The following USP34 variants were observed in gnomAD, a reference collection of about 807,000 sequenced individuals.
The protein encoded by USP34 is ubiquitin specific peptidase 34, also known as ubiquitin carboxyl-terminal hydrolase 34.
In USP34, 70 loss-of-function variants were observed where a neutral mutation model predicts 460.3. The observed-to-expected ratio is 0.15, with a 90% CI of 0.13 to 0.19. The LOEUF is 0.19. Ranked by LOEUF, USP34 falls within the 10% of genes least tolerant of loss-of-function variation. The probability of loss-of-function intolerance (pLI) is 1.00; values close to 1 mark genes in which losing one functional copy is unlikely to be tolerated. For missense variants in USP34, 3,985 were observed against 4,236.2 expected (o/e 0.94, Z 1.65); for synonymous variants, 1,647 against 1,405.3 (o/e 1.17, Z -3.85).
At chr2:61,223,319 A>G (rs2123111) in intron 62 of USP34, 23 bp from the exon 63 acceptor site, 877,897 of 1,606,220 alleles carry the variant, frequency 0.55, 243,909 homozygotes, top group South Asian at 0.73. Context: ...ATTAGTGGAA[A>G]TAAGTTTTTC....
At chr2:61,195,341 G>C (rs951879628) in intron 75 of USP34, among the ~76,000 whole-genome samples, 1 of 147,590 alleles carries the variant, frequency 6.8e-6, no homozygotes, top group East Asian at 2.0e-4. Context: ...CATCATATCC[G>C]GCTGGCTTTT....
At position 61,311,570 on chromosome 2, in the gene USP34, C is replaced by G. The variant is rs1175722507; in HGVS notation, c.3787G>C (p.Gly1263Arg). Reference protein sequence around the residue: ...INQQAQLQEFGQSNRKGEFPG... With the variant: ...INQQAQLQEFRQSNRKGEFPG... ...AACTCTCCTTTTCGGTTGCTTTGAC[C>G]AAACTCCTGAAGCTGAGCTTGTTGA... Residue 1263 changes from glycine (G) to arginine (R), a missense_variant, in exon 27 of 80, where the codon GGT becomes CGT. By Grantham distance (125) the Gly-to-Arg change is moderately radical (BLOSUM62 -2). This residue lies in a region of USP34 where 1,114 missense variants were observed against 1,122.5 expected (regional missense o/e 0.99). Transcript: ENST00000398571. 1.2e-6 allele frequency: 2 copies of G among 1,608,120 alleles called. No homozygotes were observed.
chr2:61,331,417 G>C (rs1438125282), intron 19 of USP34, 46 bp from the exon 20 acceptor site: 1 of 1,521,314 alleles, frequency 6.6e-7, no homozygotes, highest in Non-Finnish European at 8.9e-7. Context: ...GGCAGGGTAA[G>C]AGAATAAATC....
intron 5 of USP34, among the ~76,000 whole-genome samples, chr2:61,385,046 C>T (rs193069477): frequency 1.1e-3 from 165 of 152,120 alleles, no homozygotes; most frequent in African/African-American, 3.9e-3. Flanking sequence ...TATGCACACA[C>T]CTATCTATAC....
chr2:61,387,831 AT>A (rs1368949655), intron 5 of USP34, among the ~76,000 whole-genome samples: 1 of 149,422 alleles, frequency 6.7e-6, no homozygotes, highest in Non-Finnish European at 1.5e-5. Flanking sequence ...GTAAAAATAT[AT>A]TTTTACGTAT....
intron 3 of USP34, among the ~76,000 whole-genome samples, chr2:61,400,269 T>C (rs1343882755): frequency 6.6e-6 from 1 of 152,044 alleles, no homozygotes; most frequent in Admixed American, 6.6e-5. Flanking sequence ...GCCACCACGC[T>C]TGGCTAATTT....
At chr2:61,254,846 A>G (rs1688681050) in intron 48 of USP34, among the ~76,000 whole-genome samples, 1 of 152,188 alleles carries the variant, frequency 6.6e-6, no homozygotes, top group Non-Finnish European at 1.5e-5. Flanking sequence ...GAACAAGTAT[A>G]GCATTTTTTT....
intron 1 of USP34, among the ~76,000 whole-genome samples, chr2:61,422,694 G>A (rs1484327000): frequency 3.3e-5 from 5 of 152,168 alleles, no homozygotes. Context: ...TGAACCAACA[G>A]AAAACCCTAA....
intron 39 of USP34, 64 bp from the exon 40 acceptor site, chr2:61,278,507 T>C: frequency 8.0e-7 from 1 of 1,256,424 alleles, no homozygotes; most frequent in Admixed American, 3.0e-5. Flanking sequence ...AACATAAAAT[T>C]ATTAAAATCA....
At chr2:61,305,450 A>G (rs1690373593) in intron 27 of USP34, among the ~76,000 whole-genome samples, 1 of 152,190 alleles carries the variant, frequency 6.6e-6, no homozygotes, top group African/African-American at 2.4e-5. Context: ...AAATCCCAAA[A>G]TGATTTAGCA....
Position 61,241,568 on chromosome 2 carries a change from ACT to A in USP34, c.6767_6768del (p.Glu2256ValfsTer8). The A allele has an allele frequency of 6.2e-7, 1 of 1,600,588 alleles. No individual in the cohort carries two copies. The highest frequency in any genetic ancestry group is 8.5e-7 in the Non-Finnish European group (1 of 1,175,930). On this transcript the variant is annotated frameshift_variant, in exon 53 of 80. Coordinates refer to ENST00000398571, the MANE Select transcript of USP34 (RefSeq NM_014709.4). LOFTEE classifies it high-confidence loss of function. ...ATGAAATTAACTTATACCTCTAGTA[ACT>A]CTGACGAAACATCAAATTTGTATTC... ...GREYKFDVSS[E>X]LLEWIWHDNM...
chr2:61,314,423 T>C lies in USP34; in HGVS notation c.3542+162A>G, dbSNP rs144836743. 6.2e-3 allele frequency among the ~76,000 whole-genome samples: 942 copies of C among 152,320 alleles called. 6 individuals are homozygous for C. Among genetic ancestry groups the C allele is most frequent in the South Asian group, 0.01 (50 of 4,834 alleles). On this transcript the variant is annotated intron_variant, in intron 25 of 79. Transcript: ENST00000398571. ...GCCTATTCCAAGGCAAAATGGTATATATTCTTAATAAAAATTACTTATGTT... is the reference window on the plus strand; with the variant it reads ...GCCTATTCCAAGGCAAAATGGTATACATTCTTAATAAAAATTACTTATGTT...
intron 28 of USP34, 31 bp from the exon 29 acceptor site, chr2:61,301,191 T>A: frequency 6.4e-7 from 1 of 1,569,638 alleles, no homozygotes; most frequent in Non-Finnish European, 8.6e-7. Context: ...AATTTATGCA[T>A]ATCAAGCTTT....
Position 61,348,063 on chromosome 2 carries a change from A to T in USP34, c.2092T>A (p.Ser698Thr), listed in dbSNP as rs1462051717. The T allele has an allele frequency of 6.2e-7, 1 of 1,614,182 alleles. No homozygotes were observed. Among genetic ancestry groups the T allele is most frequent in the Non-Finnish European group, 8.5e-7 (1 of 1,180,022 alleles). Residue 698 changes from serine (S) to threonine (T), a missense_variant, in exon 15 of 80, where the codon TCT becomes ACT. Physicochemically the swap from Ser to Thr is moderately conservative, Grantham distance 58. Around this residue, in one of 14 missense-constraint regions of USP34, gnomAD observed 716 missense variants for 626.2 expected, o/e 1.14. Transcript: ENST00000398571. ...RMRMLDACSHSEDPEHDISGE... is the reference protein window; with the variant it reads ...RMRMLDACSHTEDPEHDISGE... ...GAAATATCATGTTCTGGGTCTTCAG[A>T]GTGTGAACAAGCATCCAGCATTCGC...
Position 61,206,763 on chromosome 2 carries a change from T to G in USP34, c.9043A>C (p.Lys3015Gln). Reference protein sequence around the residue: ...LKSTRPYLQRKDVKQALIQWQ... With the variant: ...LKSTRPYLQRQDVKQALIQWQ... ...TAAGAAGTAGGAATGAGCAAACCTT[T>G]TCTCTGAAGATAAGGGCGTGTAGAC... is the stretch of plus-strand genomic sequence containing the variant. Residue 3015 changes from lysine (K) to glutamine (Q), a missense_variant, in exon 71 of 80, where the codon AAA becomes CAA. Physicochemically the swap from Lys to Gln is moderately conservative, Grantham distance 53. This residue lies in a region of USP34 where 275 missense variants were observed against 292.7 expected (regional missense o/e 0.94). Coordinates refer to ENST00000398571, the MANE Select transcript of USP34 (RefSeq NM_014709.4). The G allele has an allele frequency of 6.2e-7, 1 of 1,613,116 alleles. No individual in the cohort carries two copies. The highest frequency in any genetic ancestry group is 8.5e-7 in the Non-Finnish European group (1 of 1,179,598).
chr2:61,461,894 G>A (rs925994834), intron 1 of USP34, among the ~76,000 whole-genome samples: 3 of 152,110 alleles, frequency 2.0e-5, no homozygotes, highest in East Asian at 3.8e-4. Context: ...CATAATATGG[G>A]AGAACTGGAA....
At chr2:61,389,681 C>G (rs929713236) in intron 5 of USP34, among the ~76,000 whole-genome samples, 1 of 151,960 alleles carries the variant, frequency 6.6e-6, no homozygotes, top group Non-Finnish European at 1.5e-5. Context: ...ACTATAGATC[C>G]CAACATCATA....
At chr2:61,191,422 C>CT (rs376137386) in intron 76 of USP34, 1 of 151,520 alleles carries the variant, frequency 6.6e-6, no homozygotes, top group Non-Finnish European at 1.5e-5. Context: ...ATGTGTATAT[C>CT]TTATTAAAGT....
chr2:61,412,189 CAAAAAAAAA>C (rs10581550), intron 2 of USP34, among the ~76,000 whole-genome samples: 3 of 92,150 alleles, frequency 3.3e-5, no homozygotes, highest in Admixed American at 1.2e-4. Context: ...AACTCCATCT[CAAAAAAAAA>C]AAAAAAAAAG....
Sources: gnomAD v4.1 joint callset for allele counts (sites outside exome capture counted in the v4.1 genomes callset) on GRCh38, gnomAD v4.1.1 for gene constraint, gnomAD v4.1.1 regional missense constraint, MANE v1.5 for transcripts, NCBI Gene and HGNC (gene_info 2026-07-23, HGNC 2026-07-21) for gene names.